The following ADAMTS3 variants were observed in gnomAD, a reference collection of about 807,000 sequenced individuals.
ADAMTS3 encodes ADAM metallopeptidase with thrombospondin type 1 motif 3, also known as A disintegrin and metalloproteinase with thrombospondin motifs 3.
ADAMTS3 carries 73 observed loss-of-function variants against 129.0 expected under a neutral mutation model. The observed-to-expected ratio is 0.57, with a 90% CI of 0.47 to 0.69. ADAMTS3 has a LOEUF of 0.69. Among genes scored for constraint, ADAMTS3 ranks in the 30% least tolerant of loss-of-function variants. ADAMTS3 has a pLI of 0.00. For synonymous variants in ADAMTS3, 477 were observed against 510.8 expected, an observed-to-expected ratio of 0.93 and a Z score of 0.89; for missense variants, 1,457 against 1,514.5, an observed-to-expected ratio of 0.96 and a Z score of 0.63.
intron 3 of ADAMTS3, among the ~76,000 whole-genome samples, chr4:72,514,614 C>G (rs1296375830): frequency 1.3e-5 from 2 of 152,110 alleles, no homozygotes; most frequent in Non-Finnish European, 2.9e-5. Context: ...TGCCTAGACT[C>G]ATCCTGTAGT....
chr4:72,543,960 A>AAC (rs1553922178), intron 3 of ADAMTS3, among the ~76,000 whole-genome samples: 3 of 151,818 alleles, frequency 2.0e-5, no homozygotes, highest in Non-Finnish European at 2.9e-5. Context: ...TCGTCAGGCT[A>AAC]ATATATATAT....
intron 3 of ADAMTS3, among the ~76,000 whole-genome samples, chr4:72,459,086 C>T (rs1718698385): frequency 6.6e-6 from 1 of 151,616 alleles, no homozygotes; most frequent in Non-Finnish European, 1.5e-5. Context: ...TTATACACAA[C>T]AAATATTAGA....
At chr4:72,555,519 T>C (rs927971797) in intron 2 of ADAMTS3, among the ~76,000 whole-genome samples, 1 of 151,788 alleles carries the variant, frequency 6.6e-6, no homozygotes, top group African/African-American at 2.4e-5. Context: ...TGAGCTTCCA[T>C]AGCACTCCCT....
chr4:72,453,919 T>A (rs11935673), intron 3 of ADAMTS3, among the ~76,000 whole-genome samples: 2 of 148,764 alleles, frequency 1.3e-5, no homozygotes, highest in African/African-American at 4.9e-5. Flanking sequence ...TATATATATA[T>A]GTATACATAG....
intron 11 of ADAMTS3, among the ~76,000 whole-genome samples, chr4:72,315,347 G>A (rs1719362666): frequency 6.6e-6 from 1 of 152,176 alleles, no homozygotes; most frequent in Non-Finnish European, 1.5e-5. Flanking sequence ...AAAATGGAGA[G>A]ATTATCCCAG....
At chr4:72,367,119 C>A (rs1015399668) in intron 4 of ADAMTS3, among the ~76,000 whole-genome samples, 2 of 152,116 alleles carry the variant, frequency 1.3e-5, no homozygotes, top group African/African-American at 4.8e-5. Flanking sequence ...TTCAGAATTT[C>A]TTGAAAACAT....
intron 3 of ADAMTS3, among the ~76,000 whole-genome samples, chr4:72,427,980 A>T (rs1722612062): frequency 6.6e-6 from 1 of 152,128 alleles, no homozygotes; most frequent in African/African-American, 2.4e-5. Context: ...GTTTAAAAAA[A>T]TGAAATTAAG....
chr4:72,320,618 G>C, intron 7 of ADAMTS3, 96 bp downstream of exon 7: 9 of 1,281,898 alleles, frequency 7.0e-6, no homozygotes, highest in Non-Finnish European at 9.9e-6. Flanking sequence ...GGAAAGCAGT[G>C]GTGGAGAGCA....
intron 3 of ADAMTS3, among the ~76,000 whole-genome samples, chr4:72,521,744 T>C (rs2109743579): frequency 6.6e-6 from 1 of 152,268 alleles, no homozygotes; most frequent in South Asian, 2.1e-4. Context: ...TCTAATTTAA[T>C]TGAAGTTAAT....
At chr4:72,458,844 G>A (rs1258318049) in intron 3 of ADAMTS3, among the ~76,000 whole-genome samples, 3 of 151,486 alleles carry the variant, frequency 2.0e-5, no homozygotes, top group Non-Finnish European at 4.4e-5. Context: ...GTAAGAACAA[G>A]GCTGAATGTA....
At chr4:72,525,988 G>C (rs1395765467) in intron 3 of ADAMTS3, among the ~76,000 whole-genome samples, 1 of 152,142 alleles carries the variant, frequency 6.6e-6, no homozygotes, top group Non-Finnish European at 1.5e-5. Flanking sequence ...GGGCCAATGA[G>C]GTATCACAAA....
intron 2 of ADAMTS3, among the ~76,000 whole-genome samples, chr4:72,560,102 G>C (rs1721866408): frequency 6.6e-6 from 1 of 151,410 alleles, no homozygotes; most frequent in Non-Finnish European, 1.5e-5. Flanking sequence ...TATTTAATAA[G>C]TGGTATTGGG....
At position 72,320,778 on chromosome 4, in the gene ADAMTS3, G is replaced by T. The variant is rs775052016; in HGVS notation, c.1038C>A (p.His346Gln). The T allele has an allele frequency of 3.1e-6, 5 of 1,614,032 alleles. No homozygotes were observed. Among genetic ancestry groups the T allele is most frequent in the Non-Finnish European group, 4.2e-6 (5 of 1,179,932 alleles). Residue 346 changes from histidine (H) to glutamine (Q), a missense_variant, in exon 7 of 22, where the codon CAC becomes CAA. His to Gln is a conservative substitution (Grantham distance 24). Transcript: ENST00000286657. Reference sequence around the variant, plus strand: ...AAATTGCATGGTCATGGTGTTCAGAGTGGTTGAGATCAGATCTTTGCTGTT... The same window carrying T: ...AAATTGCATGGTCATGGTGTTCAGATTGGTTGAGATCAGATCTTTGCTGTT... ...ASQQQRSDLN[H>Q]SEHHDHAIFL...
intron 5 of ADAMTS3, among the ~76,000 whole-genome samples, chr4:72,325,013 G>T (rs1030371295): frequency 1.3e-5 from 2 of 151,886 alleles, no homozygotes; most frequent in African/African-American, 4.8e-5. Flanking sequence ...ATAGGGTTAG[G>T]GTGAGAATTA....
rs776582019 is a variant in ADAMTS3 at position 72,333,166 on chromosome 4, C to T, written c.861+6328G>A. ...ATAAAGTATTTATCAGAGATTCAGGCGCAAAGAGCTAAAATGTTAGTAGTG... is the reference window on the plus strand; with the variant it reads ...ATAAAGTATTTATCAGAGATTCAGGTGCAAAGAGCTAAAATGTTAGTAGTG... On this transcript the variant is annotated intron_variant, in intron 5 of 21. Transcript: ENST00000286657. Among the ~76,000 whole-genome samples the T allele has an allele frequency of 1.2e-4, 19 of 152,080 alleles. No individual in the cohort carries two copies. In the East Asian group the frequency reaches 1.5e-3, roughly 12 times the overall value.
chr4:72,335,141 T>C (rs1308019390), intron 5 of ADAMTS3, among the ~76,000 whole-genome samples: 1 of 152,176 alleles, frequency 6.6e-6, no homozygotes. Context: ...TCTTTGAAGG[T>C]ATTTGAAATC....
intron 17 of ADAMTS3, among the ~76,000 whole-genome samples, chr4:72,301,487 G>A (rs1325867248): frequency 1.3e-5 from 2 of 152,140 alleles, no homozygotes; most frequent in Middle Eastern, 3.4e-3. Flanking sequence ...ATTTCAAAAT[G>A]GAACTAATTT....
chr4:72,465,574 T>C (rs1718896945), intron 3 of ADAMTS3, among the ~76,000 whole-genome samples: 1 of 152,004 alleles, frequency 6.6e-6, no homozygotes, highest in Non-Finnish European at 1.5e-5. Context: ...ATTAACTATG[T>C]CCTACACACT....
intron 4 of ADAMTS3, among the ~76,000 whole-genome samples, chr4:72,353,363 T>A (rs912729291): frequency 1.3e-5 from 2 of 151,994 alleles, no homozygotes; most frequent in South Asian, 4.1e-4. Context: ...GATGAACTCA[T>A]ATGAGATTTG....
Sources: allele counts gnomAD v4.1 joint callset (sites outside exome capture counted in the v4.1 genomes callset), GRCh38; gene constraint gnomAD v4.1.1; transcripts MANE v1.5; gene names NCBI Gene and HGNC (gene_info 2026-07-23, HGNC 2026-07-21).